PRKX: variants seen among roughly 807,000 people sequenced by gnomAD.
PRKX encodes protein kinase cAMP-dependent X-linked catalytic subunit.
PRKX carries 12 observed loss-of-function variants against 22.0 expected under a neutral mutation model. The ratio of observed to expected loss-of-function variants is 0.54; its 90% CI spans 0.35 to 0.88. The LOEUF (loss-of-function observed/expected upper bound fraction) is 0.88. PRKX is among the 40% of genes least tolerant of loss of function. The pLI is 0.01. For synonymous variants in PRKX, 134 were observed against 137.7 expected (o/e 0.97, Z 0.19); for missense variants, 217 against 308.0 (o/e 0.70, Z 2.21).
chrX:3,614,362 G>A lies in PRKX; in HGVS notation c.951+1453C>T, dbSNP rs752080742. ...GTAAAAATACAAAAATTAGCTGGGC[G>A]TCTGTAATCCCAGCTACTCAGGGGG... On this transcript the variant is annotated intron_variant, in intron 7 of 8. Coordinates refer to ENST00000262848, the MANE Select transcript of PRKX (RefSeq NM_005044.5). Among the ~76,000 whole-genome samples, 6 of 111,778 alleles carry A rather than the reference G, an allele frequency of 5.4e-5. No homozygotes were observed. In the South Asian group the frequency reaches 1.5e-3, roughly 28 times the overall value.
At chrX:3,695,048 A>G (rs1207916285) in intron 1 of PRKX, among the ~76,000 whole-genome samples, 3 of 111,686 alleles carry the variant, frequency 2.7e-5, no homozygotes, top group African/African-American at 9.8e-5. Context: ...GGACACTCAT[A>G]TAAGAGTGTT....
chrX:3,653,882 ATATATAT>A (rs1927407165), intron 3 of PRKX, among the ~76,000 whole-genome samples: 2 of 69,526 alleles, frequency 2.9e-5, no homozygotes, highest in African/African-American at 1.2e-4. Context: ...ACTATGTGAT[ATATATAT>A]TATATATATT....
chrX:3,706,002 T>C (rs772024306), intron 1 of PRKX, among the ~76,000 whole-genome samples: 1 of 93,727 alleles, frequency 1.1e-5, no homozygotes, highest in East Asian at 3.4e-4. Flanking sequence ...GGTTTTTCTT[T>C]AAAAAAAAAA....
chrX:3,613,150 C>CAAAAAAAAAAAAAAAAAAAAAAAAAAAA (rs528688936), intron 7 of PRKX, among the ~76,000 whole-genome samples: 3 of 54,324 alleles, frequency 5.5e-5, no homozygotes, highest in Non-Finnish European at 1.1e-4. Flanking sequence ...GACTTCGTCT[C>CAAAAAAAAAAAAAAAAAAAAAAAAAAAA]AAAAAAAAAA....
rs1411723112 is a variant in PRKX, at chrX:3,686,584, G to C, written c.167-11818C>G. Among the ~76,000 whole-genome samples the C allele has an allele frequency of 4.7e-5, 5 of 107,488 alleles. No individual in the cohort carries two copies. In the Admixed American group the frequency reaches 5.0e-4, roughly 11 times the overall value. The allele number at this position is 107,488 out of a possible 115,157, so 93.3% of individuals were successfully genotyped here. ...AATCTTTTTTTTTTTTTGAGACAGA[G>C]TCTCATTCTGTCACCCAGGCTGGAG... On this transcript the variant is annotated intron_variant, in intron 1 of 8. Transcript: ENST00000262848.
At chrX:3,613,534 G>C (rs192144949) in intron 7 of PRKX, among the ~76,000 whole-genome samples, 2 of 110,088 alleles carry the variant, frequency 1.8e-5, no homozygotes, top group East Asian at 5.7e-4. Context: ...TATTTGAAAA[G>C]GTAAAACTTT....
chrX:3,629,420 T>C (rs1277110842), intron 4 of PRKX, among the ~76,000 whole-genome samples: 7 of 108,346 alleles, frequency 6.5e-5, no homozygotes, highest in Non-Finnish European at 1.1e-4. Context: ...TTTTGTTTTT[T>C]TTTTTTTTTT....
At chrX:3,648,470 A>T (rs1175277649) in intron 3 of PRKX, among the ~76,000 whole-genome samples, 2 of 109,495 alleles carry the variant, frequency 1.8e-5, no homozygotes. Flanking sequence ...TAAAGATAGG[A>T]TAAAGTGCAC....
intron 5 of PRKX, 26 bp downstream of exon 5, chrX:3,626,393 C>A (rs1313951044): frequency 8.8e-7 from 1 of 1,130,191 alleles, no homozygotes; most frequent in South Asian, 1.8e-5. Flanking sequence ...AAACACACCT[C>A]ATGATGAGGC....
Position 3,617,764 on chromosome X carries a change from T to C in PRKX, c.874-1872A>G, listed in dbSNP as rs764249349. Among the ~76,000 whole-genome samples, 4 of 111,278 alleles carry C rather than the reference T, an allele frequency of 3.6e-5. No individual in the cohort carries two copies. In the Admixed American group the frequency reaches 3.9e-4, roughly 11 times the overall value. On this transcript the variant is annotated intron_variant, in intron 6 of 8. Coordinates refer to ENST00000262848, the MANE Select transcript of PRKX (RefSeq NM_005044.5). ...CAGTGTTGCTCCTGTAAGATTATAA[T>C]GATCTTAAAAACTCCTATCCCCTAG...
At chrX:3,673,857 G>A (rs752165103) in intron 2 of PRKX, among the ~76,000 whole-genome samples, 31 of 110,671 alleles carry the variant, frequency 2.8e-4, no homozygotes, top group South Asian at 1.6e-3. Context: ...TGAATGGGAC[G>A]AGTGCCCTTA....
chrX:3,688,708 A>T (rs143872419), intron 1 of PRKX, among the ~76,000 whole-genome samples: 16,074 of 108,908 alleles, frequency 0.15, 1,441 homozygotes, highest in African/African-American at 0.33. Flanking sequence ...AAAAAAAAAA[A>T]ATTTTTTTTA....
chrX:3,712,994 CAGG>C, intron 1 of PRKX, 91 bp downstream of exon 1: 5 of 1,005,921 alleles, frequency 5.0e-6, no homozygotes, highest in Non-Finnish European at 2.6e-6. Context: ...GGGCCCTCCC[CAGG>C]AGGTCGGCAC....
rs112144378 is a variant in PRKX, at chrX:3,673,928, C to T, written c.335+670G>A. ...ACCATGTGAGGACACAGTGAAAAGG[C>T]GCCATCTATGAACCAGGAAGCGGGT... is the stretch of plus-strand genomic sequence containing the variant. On this transcript the variant is annotated intron_variant, in intron 2 of 8. Coordinates refer to ENST00000262848, the MANE Select transcript of PRKX (RefSeq NM_005044.5). Among the ~76,000 whole-genome samples, 246 of 111,150 alleles carry T rather than the reference C, an allele frequency of 2.2e-3. 1 individual carries two copies. The highest frequency in any genetic ancestry group is 4.0e-3 in the Non-Finnish European group (210 of 52,965).
chrX:3,631,107 T>C (rs1926771557), intron 4 of PRKX, among the ~76,000 whole-genome samples: 1 of 112,289 alleles, frequency 8.9e-6, no homozygotes, highest in African/African-American at 3.2e-5. Flanking sequence ...CCTCATTGAT[T>C]ATCAGAAATG....
At position 3,713,566 on chromosome X, in the gene PRKX, C is replaced by A. The variant is rs1229399922; in HGVS notation, c.-313G>T. ...CGGGCTGGGGGGGGCGAGGCGGGGGCCCTGCGCATTCCGGGTCTCGCGCCC... is the reference window on the plus strand; with the variant it reads ...CGGGCTGGGGGGGGCGAGGCGGGGGACCTGCGCATTCCGGGTCTCGCGCCC... On this transcript the variant is annotated 5_prime_UTR_variant, in exon 1 of 9. Coordinates refer to ENST00000262848, the MANE Select transcript of PRKX (RefSeq NM_005044.5). 1 of 177,417 alleles carries A rather than the reference C, an allele frequency of 5.6e-6. No homozygotes were observed. Among genetic ancestry groups the A allele is most frequent in the Non-Finnish European group, 1.1e-5 (1 of 94,982 alleles). The allele number at this position is 177,417 out of a possible 1,213,427, so 14.6% of individuals were successfully genotyped here. A position where few individuals can be genotyped will look rare whatever the true frequency, so the allele number is the denominator to read the frequency against.
At chrX:3,637,820 G>A (rs1367272744) in intron 4 of PRKX, among the ~76,000 whole-genome samples, 1 of 106,008 alleles carries the variant, frequency 9.4e-6, no homozygotes, top group African/African-American at 3.5e-5. Context: ...AGGCTGGAGT[G>A]CAGTGGTGCG....
At chrX:3,668,338 C>T (rs1377655074) in intron 2 of PRKX, 1 of 110,901 alleles carries the variant, frequency 9.0e-6, no homozygotes, top group Non-Finnish European at 1.9e-5. Context: ...GATGACAGAG[C>T]AAGAAGCGCT....
At chrX:3,681,912 C>G (rs1195221715) in intron 1 of PRKX, among the ~76,000 whole-genome samples, 3 of 110,202 alleles carry the variant, frequency 2.7e-5, no homozygotes, top group African/African-American at 9.9e-5. Flanking sequence ...CATCACGATG[C>G]CCATTCATAC....
Sources: gnomAD v4.1 joint callset for allele counts (sites outside exome capture counted in the v4.1 genomes callset) on GRCh38, gnomAD v4.1.1 for gene constraint, MANE v1.5 for transcripts, NCBI Gene and HGNC (gene_info 2026-07-23, HGNC 2026-07-21) for gene names.